Variants in VRK2 observed in about 807,000 individuals in gnomAD.
The protein encoded by VRK2 is serine/threonine-protein kinase VRK2.
VRK2 carries 60 observed loss-of-function variants against 57.6 expected under a neutral mutation model. That is an observed-to-expected ratio of 1.04 (90% CI 0.85 to 1.29). The LOEUF is 1.29. Among genes scored for constraint, VRK2 ranks in the 50% most tolerant of loss-of-function variants. The pLI is 0.00. For synonymous variants in VRK2, 231 were observed against 199.2 expected (o/e 1.16, Z -1.35); for missense variants, 705 against 588.1 (o/e 1.20, Z -2.06).
intron 1 of VRK2, among the ~76,000 whole-genome samples, chr2:58,013,797 T>C (rs990009226): frequency 2.9e-5 from 4 of 137,680 alleles, no homozygotes; most frequent in South Asian, 4.5e-4. Flanking sequence ...AGGCGGAGCT[T>C]GCAGTGAGCG....
chr2:58,057,078 C>T (rs1427193008), intron 2 of VRK2, among the ~76,000 whole-genome samples: 2 of 152,108 alleles, frequency 1.3e-5, no homozygotes, highest in Non-Finnish European at 2.9e-5. Flanking sequence ...CTGTTTCCCC[C>T]AACATGTGTG....
intron 1 of VRK2, among the ~76,000 whole-genome samples, chr2:57,941,127 G>A (rs1444095225): frequency 6.6e-6 from 1 of 152,154 alleles, no homozygotes; most frequent in Non-Finnish European, 1.5e-5. Flanking sequence ...TCTTCCGTAA[G>A]AAATCTGGAC....
chr2:58,015,364 G>C (rs565568716), intron 1 of VRK2, among the ~76,000 whole-genome samples: 2 of 152,224 alleles, frequency 1.3e-5, no homozygotes, highest in Admixed American at 1.3e-4. Flanking sequence ...AGCATGCTTG[G>C]CTATGAATCC....
intron 4 of VRK2, among the ~76,000 whole-genome samples, chr2:58,086,021 C>T (rs568022062): frequency 4.8e-5 from 7 of 144,940 alleles, no homozygotes; most frequent in Admixed American, 2.1e-4. Flanking sequence ...TGGTGGTTAA[C>T]ATATGTTATA....
chr2:58,093,235 C>A (rs2104269178), intron 7 of VRK2, among the ~76,000 whole-genome samples: 1 of 152,296 alleles, frequency 6.6e-6, no homozygotes, highest in South Asian at 2.1e-4. Flanking sequence ...TGAGGAATCG[C>A]CACACCGACT....
intron 2 of VRK2, among the ~76,000 whole-genome samples, chr2:58,069,023 A>T (rs1012494343): frequency 4.6e-5 from 7 of 152,096 alleles, no homozygotes; most frequent in African/African-American, 1.4e-4. Flanking sequence ...TGTCATTATT[A>T]TCTATTCATT....
intron 2 of VRK2, among the ~76,000 whole-genome samples, chr2:58,055,875 T>G (rs144804494): frequency 6.6e-6 from 1 of 152,316 alleles, no homozygotes; most frequent in African/African-American, 2.4e-5. Flanking sequence ...GCAGAAAATC[T>G]TCTGAGTTTT....
chr2:58,018,342 A>G (rs1042336081), intron 1 of VRK2, among the ~76,000 whole-genome samples: 21 of 152,330 alleles, frequency 1.4e-4, no homozygotes, highest in African/African-American at 5.1e-4. Context: ...AATTTGGTCC[A>G]GTTCTGAAAT....
intron 7 of VRK2, among the ~76,000 whole-genome samples, chr2:58,108,538 G>T (rs886965903): frequency 2.0e-5 from 3 of 151,494 alleles, no homozygotes; most frequent in East Asian, 1.9e-4. Flanking sequence ...CCTGGCTTGT[G>T]TTGTGTTTCC....
intron 1 of VRK2, among the ~76,000 whole-genome samples, chr2:57,926,998 T>TTTTGTGTGTGTGTGTGTG (rs1553361860): frequency 7.0e-6 from 1 of 142,758 alleles, no homozygotes; most frequent in Non-Finnish European, 1.5e-5. Context: ...TTTTAATTTC[T>TTTTGTGTGTGTGTGTGTG]TGTGTGTGTG....
chr2:58,123,069 G>GCATT, intron 7 of VRK2, 32 bp from the exon 8 acceptor site: 1 of 1,582,438 alleles, frequency 6.3e-7, no homozygotes, highest in Non-Finnish European at 8.5e-7. Flanking sequence ...GAGGACAAAG[G>GCATT]CATTATTCAT....
At chr2:58,146,526 A>G (rs1410772543) in intron 12 of VRK2, 52 bp downstream of exon 12, 2 of 1,564,414 alleles carry the variant, frequency 1.3e-6, no homozygotes, top group African/African-American at 2.8e-5. Flanking sequence ...ACATTAGAAT[A>G]TGCCCTTTGG....
intron 7 of VRK2, among the ~76,000 whole-genome samples, chr2:58,109,547 G>A (rs913946677): frequency 6.6e-5 from 10 of 152,190 alleles, no homozygotes; most frequent in African/African-American, 2.2e-4. Context: ...GGCAGAAGGG[G>A]AAGCAAATAT....
intron 1 of VRK2, among the ~76,000 whole-genome samples, chr2:57,935,645 C>A (rs1222342398): frequency 6.6e-6 from 1 of 151,924 alleles, no homozygotes; most frequent in African/African-American, 2.4e-5. Context: ...GGTCTGTGAC[C>A]TCTCTTCTCT....
At chr2:58,130,888 G>A (rs1287984803) in intron 8 of VRK2, among the ~76,000 whole-genome samples, 1 of 152,084 alleles carries the variant, frequency 6.6e-6, no homozygotes, top group Non-Finnish European at 1.5e-5. Flanking sequence ...AATTATTTCA[G>A]TGGTTTGTTA....
chr2:57,914,125 G>T (rs1269928283), intron 1 of VRK2, among the ~76,000 whole-genome samples: 1 of 151,898 alleles, frequency 6.6e-6, no homozygotes, highest in Non-Finnish European at 1.5e-5. Context: ...AGGATCCTCT[G>T]TCCATTAGTC....
intron 1 of VRK2, among the ~76,000 whole-genome samples, chr2:57,962,733 T>C (rs1459882199): frequency 6.6e-6 from 1 of 152,254 alleles, no homozygotes; most frequent in African/African-American, 2.4e-5. Flanking sequence ...AAATTTCTTA[T>C]GGCAGAAATG....
intron 12 of VRK2, chr2:58,154,790 T>C: frequency 2.8e-6 from 2 of 717,688 alleles, no homozygotes; most frequent in Non-Finnish European, 5.2e-6. Flanking sequence ...TTGAACCCAC[T>C]ATTTTTTCTA....
chr2:58,070,128 A>C (rs1016271559), intron 2 of VRK2, among the ~76,000 whole-genome samples: 2 of 152,132 alleles, frequency 1.3e-5, no homozygotes, highest in Non-Finnish European at 2.9e-5. Context: ...ATATGTTATA[A>C]TTTATTAAAC....
Sources: allele counts gnomAD v4.1 joint callset (sites outside exome capture counted in the v4.1 genomes callset), GRCh38; gene constraint gnomAD v4.1.1; transcripts MANE v1.5; gene names NCBI Gene and HGNC (gene_info 2026-07-23, HGNC 2026-07-21).